Variants in CCSER1 observed in about 807,000 individuals in gnomAD.
CCSER1 encodes coiled-coil serine rich protein 1.
Under a neutral mutation model 82.0 loss-of-function variants are expected in CCSER1, and 41 were observed. That is an observed-to-expected ratio of 0.50 (90% CI 0.39 to 0.65). The LOEUF (loss-of-function observed/expected upper bound fraction) is 0.65. Among genes scored for constraint, CCSER1 ranks in the 30% least tolerant of loss-of-function variants. The pLI is 0.00. For synonymous variants in CCSER1, 414 were observed against 383.9 expected, an observed-to-expected ratio of 1.08 and a Z score of -0.92; for missense variants, 1,119 against 1,064.2, an observed-to-expected ratio of 1.05 and a Z score of -0.72.
In CCSER1 at chr4:90,308,611, T is replaced by C. The variant is rs1579095962; in HGVS notation, c.327T>C (p.Ile109=). ...NMQKLSLEEH[I]KTRGRHSVGF... is the part of the protein sequence containing the mutation. ...AGAAACTGAGTTTGGAAGAACATATTAAGACCAGGGGAAGACATTCTGTTG... is the reference window on the plus strand; with the variant it reads ...AGAAACTGAGTTTGGAAGAACATATCAAGACCAGGGGAAGACATTCTGTTG... Residue 109 remains isoleucine (I), a synonymous_variant, in exon 2 of 11, where the codon ATT becomes ATC. Transcript: ENST00000509176. 6.2e-7 allele frequency: 1 copy of C among 1,613,812 alleles called. No individual in the cohort carries two copies. The highest frequency in any genetic ancestry group is 2.2e-5 in the East Asian group (1 of 44,876).
intron 1 of CCSER1, among the ~76,000 whole-genome samples, chr4:90,257,546 T>C (rs914174687): frequency 2.0e-5 from 3 of 149,974 alleles, no homozygotes; most frequent in East Asian, 2.0e-4. Flanking sequence ...GATAGATAGA[T>C]AGATAGATAG....
At chr4:90,820,749 T>A (rs1236875698) in intron 8 of CCSER1, among the ~76,000 whole-genome samples, 1 of 151,096 alleles carries the variant, frequency 6.6e-6, no homozygotes, top group African/African-American at 2.4e-5. Flanking sequence ...TTATATATAT[T>A]TTTATAGCTA....
intron 9 of CCSER1, among the ~76,000 whole-genome samples, chr4:91,035,643 A>T (rs902358851): frequency 5.3e-5 from 8 of 152,084 alleles, no homozygotes; most frequent in African/African-American, 7.2e-5. Context: ...ATCTTTTTTT[A>T]AAAAAAGCTA....
intron 10 of CCSER1, among the ~76,000 whole-genome samples, chr4:91,578,977 T>C (rs921740305): frequency 2.0e-5 from 3 of 151,808 alleles, no homozygotes; most frequent in African/African-American, 7.2e-5. Flanking sequence ...CACAAATACC[T>C]CATAGTTAAA....
At chr4:90,910,716 A>G (rs1405204431) in intron 8 of CCSER1, among the ~76,000 whole-genome samples, 1 of 152,206 alleles carries the variant, frequency 6.6e-6, no homozygotes, top group Admixed American at 6.5e-5. Context: ...ACATTCCTTC[A>G]TTTCTGTTTG....
chr4:90,248,357 C>G (rs955380574), intron 1 of CCSER1, among the ~76,000 whole-genome samples: 1 of 152,152 alleles, frequency 6.6e-6, no homozygotes. Flanking sequence ...ACTTCACATG[C>G]ATTAGCAGGT....
At chr4:90,911,243 T>A (rs991140023) in intron 8 of CCSER1, 2 of 452,656 alleles carry the variant, frequency 4.4e-6, no homozygotes, top group African/African-American at 4.0e-5. Context: ...AAGTTTAGTG[T>A]CTCCTTGATA....
intron 8 of CCSER1, among the ~76,000 whole-genome samples, chr4:90,855,889 A>G (rs1010165142): frequency 2.0e-5 from 3 of 152,092 alleles, no homozygotes; most frequent in East Asian, 1.9e-4. Flanking sequence ...GCCTTCATCT[A>G]TTACATGTGA....
chr4:91,340,568 A>G (rs1393508531), intron 10 of CCSER1, among the ~76,000 whole-genome samples: 2 of 152,146 alleles, frequency 1.3e-5, no homozygotes, highest in African/African-American at 2.4e-5. Context: ...TTGTGTTTTC[A>G]TATGAAAAGA....
chr4:91,160,759 T>TG (rs1179262529), intron 10 of CCSER1, among the ~76,000 whole-genome samples: 25 of 152,182 alleles, frequency 1.6e-4, no homozygotes, highest in African/African-American at 4.8e-4. Context: ...GTTGTTGTTT[T>TG]TTTTGTAAAT....
chr4:90,241,562 C>G (rs1169331005), intron 1 of CCSER1, among the ~76,000 whole-genome samples: 1 of 151,920 alleles, frequency 6.6e-6, no homozygotes, highest in East Asian at 1.9e-4. Flanking sequence ...ATCATTTATT[C>G]TTTCTTAAAA....
At chr4:91,332,602 A>G (rs950536378) in intron 10 of CCSER1, among the ~76,000 whole-genome samples, 4 of 151,890 alleles carry the variant, frequency 2.6e-5, no homozygotes, top group Non-Finnish European at 5.9e-5. Flanking sequence ...AACTTACCTC[A>G]GTTGTAAGGA....
chr4:90,980,701 G>A (rs997450921), intron 9 of CCSER1, among the ~76,000 whole-genome samples: 1 of 151,358 alleles, frequency 6.6e-6, no homozygotes, highest in Non-Finnish European at 1.5e-5. Context: ...AGGAGAGAGA[G>A]GGAAAGTAGG....
intron 1 of CCSER1, among the ~76,000 whole-genome samples, chr4:90,133,626 A>G (rs568411109): frequency 1.2e-4 from 19 of 152,292 alleles, no homozygotes; most frequent in African/African-American, 4.1e-4. Flanking sequence ...TATCACCTTT[A>G]TACCACTGTT....
chr4:90,599,210 C>T (rs945098750), intron 5 of CCSER1, among the ~76,000 whole-genome samples: 2 of 152,140 alleles, frequency 1.3e-5, no homozygotes, highest in African/African-American at 2.4e-5. Context: ...CAAATCTCAT[C>T]TCAGGTGGTG....
chr4:90,514,282 A>T (rs1379228555), intron 5 of CCSER1, among the ~76,000 whole-genome samples: 2 of 152,224 alleles, frequency 1.3e-5, no homozygotes, highest in Non-Finnish European at 2.9e-5. Flanking sequence ...ATTTTCAGTG[A>T]TTAAAGATAA....
At position 91,393,563 on chromosome 4, in the gene CCSER1, T is replaced by C. The variant is rs547353620; in HGVS notation, c.2218-205009T>C. Among the ~76,000 whole-genome samples the C allele has an allele frequency of 1.8e-4, 28 of 152,182 alleles. 1 individual carries two copies. Among genetic ancestry groups the C allele is most frequent in the African/African-American group, 6.5e-4 (27 of 41,554 alleles). ...AAAGTAACCTGAAGACAAATGGATA[T>C]TCGTTGTCAATCTTAAGATATATTA... On this transcript the variant is annotated intron_variant, in intron 10 of 10. Coordinates refer to ENST00000509176, the MANE Select transcript of CCSER1 (RefSeq NM_001145065.2).
At chr4:90,484,781 C>G (rs533153129) in intron 5 of CCSER1, among the ~76,000 whole-genome samples, 1 of 152,180 alleles carries the variant, frequency 6.6e-6, no homozygotes, top group Non-Finnish European at 1.5e-5. Context: ...TGTCAATCTG[C>G]CCCTACTGGG....
intron 10 of CCSER1, among the ~76,000 whole-genome samples, chr4:91,367,199 C>T (rs1749679683): frequency 2.7e-5 from 4 of 145,956 alleles, no homozygotes; most frequent in Middle Eastern, 3.5e-3. Flanking sequence ...AACCTGTAGT[C>T]GAAGCTACTT....
Sources: allele counts gnomAD v4.1 joint callset (sites outside exome capture counted in the v4.1 genomes callset), GRCh38; gene constraint gnomAD v4.1.1; transcripts MANE v1.5; gene names NCBI Gene and HGNC (gene_info 2026-07-23, HGNC 2026-07-21).